PET100: variants seen among roughly 807,000 people sequenced by gnomAD.
PET100 encodes the protein protein PET100 homolog, mitochondrial.
A neutral mutation model predicts 13.6 loss-of-function variants in PET100; 13 were observed. That is an observed-to-expected ratio of 0.96 (90% confidence interval 0.62 to 1.52). The LOEUF is 1.52. PET100 is among the 40% of genes most tolerant of loss of function. PET100 has a pLI of 0.00. For synonymous variants in PET100, 28 were observed against 30.8 expected (o/e 0.91, Z 0.30); for missense variants, 94 against 95.3 (o/e 0.99, Z 0.06).
chr19:7,631,744 G>A lies in PET100; in HGVS notation c.*188G>A, dbSNP rs2054084204. 21 of 1,447,812 alleles carry A rather than the reference G, an allele frequency of 1.5e-5. No individual in the cohort carries two copies. Among genetic ancestry groups the A allele is most frequent in the Non-Finnish European group, 1.8e-5 (20 of 1,098,024 alleles). The allele number at this position is 1,447,812 out of a possible 1,614,324, so 89.7% of individuals were successfully genotyped here. On this transcript the variant is annotated 3_prime_UTR_variant, in exon 4 of 4. Transcript: ENST00000594797. ...GCTGTTCCGACGGAAGCCGAGAGCG[G>A]TCGGGTCCTGAGGGGTGAGCAGGGG...
chr19:7,630,175 G>A (rs190930327), intron 1 of PET100: 1 of 468,446 alleles, frequency 2.1e-6, no homozygotes, highest in Non-Finnish European at 3.8e-6. Flanking sequence ...GCTCGTGGTG[G>A]GTGGGTGTCT....
chr19:7,631,422 G>A, intron 3 of PET100, 51 bp from the exon 4 acceptor site: 1 of 1,462,010 alleles, frequency 6.8e-7, no homozygotes, highest in East Asian at 2.5e-5. Context: ...TCCCGGCTCT[G>A]AGGTGTGTGC....
chr19:7,631,203 T>C, intron 3 of PET100: 6 of 1,338,570 alleles, frequency 4.5e-6, no homozygotes, highest in Non-Finnish European at 4.9e-6. Context: ...AGTGAGACTT[T>C]GTCTCAAAAA....
chr19:7,631,328 G>A, intron 3 of PET100, 145 bp from the exon 4 acceptor site: 2 of 1,409,426 alleles, frequency 1.4e-6, no homozygotes, highest in Non-Finnish European at 1.8e-6. Context: ...CTTTGTAATT[G>A]GCAGGGGGCT....
chr19:7,630,476 C>A, intron 1 of PET100, 97 bp from the exon 2 acceptor site: 1 of 996,120 alleles, frequency 1.0e-6, no homozygotes, highest in Non-Finnish European at 1.5e-6. Context: ...TAACGAGGCG[C>A]TTCTGGACTC....
chr19:7,630,031 G>T, intron 1 of PET100, 171 bp downstream of exon 1: 9 of 825,624 alleles, frequency 1.1e-5, no homozygotes, highest in Non-Finnish European at 1.6e-5. Flanking sequence ...ACGCTGGGCT[G>T]GGGGGGTTCT....
chr19:7,630,756 G>A, intron 2 of PET100, 67 bp from the exon 3 acceptor site: 3 of 1,536,060 alleles, frequency 2.0e-6, no homozygotes, highest in Non-Finnish European at 2.6e-6. Context: ...CCCATAAGCC[G>A]ACCCTGCCCT....
intron 3 of PET100, 67 bp from the exon 4 acceptor site, chr19:7,631,406 G>GC: frequency 2.2e-6 from 2 of 925,082 alleles, no homozygotes; most frequent in Non-Finnish European, 3.1e-6. Flanking sequence ...GGGCGGGGGG[G>GC]GGTGGTCCCG....
At chr19:7,630,332 G>C (rs1280514067) in intron 1 of PET100, 14 of 566,340 alleles carry the variant, frequency 2.5e-5, no homozygotes, top group Non-Finnish European at 4.1e-5. Context: ...CTGTGTGTCT[G>C]TCTGTGTTTG....
At position 7,631,488 on chromosome 19, in the gene PET100, G is replaced by C; in HGVS notation, c.154G>C (p.Glu52Gln). The change falls in exon 4 of 4, where the codon GAA (glutamate) becomes CAA (glutamine). Residue 52 changes from glutamate (E) to glutamine (Q), a missense_variant. Transcript: ENST00000594797. ...CCACCCCTAGCTTCAAGAGATAGAG[G>C]AATTCAAAGAGAGGTTACGGAAGCG... is the stretch of plus-strand genomic sequence containing the variant. ...WPPEKLQEIEEFKERLRKRRE... is the reference protein window; with the variant it reads ...WPPEKLQEIEQFKERLRKRRE... 2.0e-6 allele frequency: 3 copies of C among 1,536,504 alleles called. No homozygotes were observed.
intron 1 of PET100, 104 bp downstream of exon 1, chr19:7,629,964 G>A: frequency 7.6e-7 from 1 of 1,322,436 alleles, no homozygotes; most frequent in Non-Finnish European, 1.0e-6. Context: ...GGAGCTCCAA[G>A]GAGAAAGCTC....
rs112690068 is a variant in PET100, at chr19:7,631,915, T to C, written c.*359T>C. Reference sequence around the variant, plus strand: ...AGGTAGCCACCGTGTCCCACCTCATTGTGAGCACTGGTCTATGTTTACCCT... The same window carrying C: ...AGGTAGCCACCGTGTCCCACCTCATCGTGAGCACTGGTCTATGTTTACCCT... On this transcript the variant is annotated 3_prime_UTR_variant, in exon 4 of 4. Coordinates refer to ENST00000594797, the MANE Select transcript of PET100 (RefSeq NM_001171155.2). 0.012 allele frequency: 13,029 copies of C among 1,119,586 alleles called. 512 individuals are homozygous for C. In the Admixed American group the frequency reaches 0.14, roughly 12 times the overall value. 69.4% of individuals were successfully genotyped at this position (1,119,586 alleles called of 1,614,324 possible).
chr19:7,630,258 G>A (rs910595089), intron 1 of PET100: 2 of 459,982 alleles, frequency 4.3e-6, no homozygotes, highest in Admixed American at 3.9e-5. Context: ...GGGTGCTCCC[G>A]GGATCTTAAG....
chr19:7,630,014 A>AG (rs2031238723), intron 1 of PET100, 154 bp downstream of exon 1: 1 of 866,292 alleles, frequency 1.2e-6, no homozygotes, highest in South Asian at 2.4e-5. Context: ...GAAATCCAGG[A>AG]GAGGGGACGC....
intron 1 of PET100, chr19:7,630,082 G>A (rs906856304): frequency 3.1e-5 from 17 of 542,226 alleles, no homozygotes; most frequent in Non-Finnish European, 5.1e-5. Flanking sequence ...GAGAGGGCTG[G>A]TCCGAGGAAG....
At position 7,629,845 on chromosome 19, in the gene PET100, G is replaced by A. The variant is rs1034051455; in HGVS notation, c.12G>A (p.Lys4=). ...CCGGGAGAAACGAGATGGGGGTGAA[G>A]CTGGAGATATTTCGGGTCAGTGGAC... MGV[K]LEIFRMIIYL... Residue 4 remains lysine, a synonymous_variant, in exon 1 of 4, where the codon AAG becomes AAA. Coordinates refer to ENST00000594797, the MANE Select transcript of PET100 (RefSeq NM_001171155.2). The A allele has an allele frequency of 1.3e-6, 2 of 1,535,844 alleles. No homozygotes were observed. The highest frequency in any genetic ancestry group is 1.2e-5 in the South Asian group (1 of 83,904).
chr19:7,631,399 C>CGGGGGGGGG (rs1203991530), intron 3 of PET100, 74 bp from the exon 4 acceptor site: 25 of 583,946 alleles, frequency 4.3e-5, no homozygotes, highest in Non-Finnish European at 4.9e-5. Flanking sequence ...GAGAGGTGGG[C>CGGGGGGGGG]GGGGGGGGGT....
chr19:7,631,036 C>G, intron 3 of PET100, 190 bp downstream of exon 3: 2 of 794,312 alleles, frequency 2.5e-6, no homozygotes, highest in Middle Eastern at 3.4e-4. Context: ...TGGCGAAACC[C>G]CATGTCTACA....
Position 7,629,830 on chromosome 19 carries a change from C to T in PET100, c.-4C>T. The stretch of plus-strand genomic sequence containing the variant: ...AACTGGCTTTGTTGACCGGGAGAAA[C>T]GAGATGGGGGTGAAGCTGGAGATAT... On this transcript the variant is annotated 5_prime_UTR_variant, in exon 1 of 4. The change creates a new upstream start codon in the 5' untranslated region. Coordinates refer to ENST00000594797, the MANE Select transcript of PET100 (RefSeq NM_001171155.2). 1.3e-6 allele frequency: 2 copies of T among 1,536,348 alleles called. No individual in the cohort carries two copies. The highest frequency in any genetic ancestry group is 1.7e-6 in the Non-Finnish European group (2 of 1,146,644).
Sources: gnomAD v4.1 joint callset for allele counts on GRCh38, gnomAD v4.1.1 for gene constraint, MANE v1.5 for transcripts, NCBI Gene and HGNC (gene_info 2026-07-23, HGNC 2026-07-21) for gene names.